KAT7: variants seen among roughly 807,000 people sequenced by gnomAD.
KAT7 encodes histone acetyltransferase KAT7.
KAT7 carries 10 observed loss-of-function variants against 82.1 expected under a neutral mutation model. The observed-to-expected ratio is 0.12, with a 90% CI of 0.08 to 0.21. The LOEUF is 0.21. Among genes scored for constraint, KAT7 ranks in the 10% least tolerant of loss-of-function variants. KAT7 has a pLI of 1.00. For synonymous variants in KAT7, 250 were observed against 262.5 expected (o/e 0.95, Z 0.46); for missense variants, 378 against 760.9 (o/e 0.50, Z 5.92).
At chr17:49,818,086 A>T in intron 9 of KAT7, 75 bp downstream of exon 9, 1 of 1,236,536 alleles carries the variant, frequency 8.1e-7, no homozygotes, top group Non-Finnish European at 1.2e-6. Context: ...TGCCATAGCG[A>T]TGGCATCTGT....
rs545360284 is a variant in KAT7, at chr17:49,831,408, C to A, written c.*3906C>A. On this transcript the variant is annotated 3_prime_UTR_variant, in exon 15 of 15. Transcript: ENST00000259021. Reference sequence around the variant, plus strand: ...GTTTCTGATTTAGGAATAAACTGTTCAGTAAGCACTGTCCCTTTACTTCCA... The same window carrying A: ...GTTTCTGATTTAGGAATAAACTGTTAAGTAAGCACTGTCCCTTTACTTCCA... The A allele has an allele frequency of 5.9e-5, 9 of 152,316 alleles. No homozygotes were observed. The highest frequency in any genetic ancestry group is 5.2e-4 in the Admixed American group (8 of 15,296). The allele number at this position is 152,316 out of a possible 1,614,324, so 9.4% of individuals were successfully genotyped here. A position where few individuals can be genotyped will look rare whatever the true frequency, so the allele number is the denominator to read the frequency against.
At chr17:49,799,695 A>C (rs945009717) in intron 4 of KAT7, among the ~76,000 whole-genome samples, 1 of 151,830 alleles carries the variant, frequency 6.6e-6, no homozygotes, top group Middle Eastern at 3.4e-3. Context: ...CAGGGGTCTC[A>C]CTTTATTGCC....
intron 8 of KAT7, among the ~76,000 whole-genome samples, chr17:49,816,943 C>G (rs1251193868): frequency 2.0e-5 from 3 of 152,064 alleles, no homozygotes; most frequent in Non-Finnish European, 4.4e-5. Context: ...TCCTGAGTAG[C>G]TGGGACTACA....
chr17:49,791,787 T>G, intron 1 of KAT7, 99 bp from the exon 2 acceptor site: 2 of 1,200,330 alleles, frequency 1.7e-6, no homozygotes, highest in Non-Finnish European at 1.2e-6. Flanking sequence ...AGGTTTGAAC[T>G]TGGGGTTTTC....
chr17:49,818,114 G>A, intron 9 of KAT7, 103 bp downstream of exon 9: 1 of 853,876 alleles, frequency 1.2e-6, no homozygotes, highest in South Asian at 1.6e-5. Flanking sequence ...CCTTCTCAGT[G>A]GTCCTCAGCA....
chr17:49,804,980 C>T (rs975504303), intron 4 of KAT7, among the ~76,000 whole-genome samples: 1 of 152,078 alleles, frequency 6.6e-6, no homozygotes, highest in Non-Finnish European at 1.5e-5. Flanking sequence ...AAGAAAAGTA[C>T]ACTTATTCTA....
Position 49,791,942 on chromosome 17 carries a change from C to T in KAT7, c.72C>T (p.Leu24=), listed in dbSNP as rs535476724. The T allele has an allele frequency of 3.7e-6, 6 of 1,614,108 alleles. No homozygotes were observed. Among genetic ancestry groups the T allele is most frequent in the Middle Eastern group, 1.6e-4 (1 of 6,062 alleles). Residue 24 remains leucine, a synonymous_variant, in exon 2 of 15, where the codon CTC becomes CTT. Coordinates refer to ENST00000259021, the MANE Select transcript of KAT7 (RefSeq NM_007067.5). The stretch of plus-strand genomic sequence containing the variant: ...AAGATTCCGATTTTTCTACAGATCT[C>T]GAGCACACAGACAGTTCAGAAAGTG... The part of the protein sequence containing the change: ...GTEDSDFSTD[L]EHTDSSESDG...
In KAT7 at chr17:49,826,081, G is replaced by C. The variant is rs1456102728; in HGVS notation, c.1562G>C (p.Ser521Thr). Residue 521 changes from serine to threonine, a missense_variant, in exon 13 of 15, where the codon AGT becomes ACT. Around this residue, in one of 6 missense-constraint regions of KAT7, gnomAD observed 20 missense variants for 142.4 expected, o/e 0.14. Transcript: ENST00000259021. ...GATCTGGGGCTTATAAGCTATCGCA[G>C]TTACTGGAAAGAAGTACTTCTCCGC... Reference protein sequence around the residue: ...LSDLGLISYRSYWKEVLLRYL... With the variant: ...LSDLGLISYRTYWKEVLLRYL... 6.2e-7 allele frequency: 1 copy of C among 1,613,824 alleles called. No homozygotes were observed. Among genetic ancestry groups the C allele is most frequent in the African/African-American group, 1.3e-5 (1 of 74,928 alleles).
rs1434098412 is a variant in KAT7 at position 49,834,602 on chromosome 17, C to T, written c.*7100C>T. 6.6e-6 allele frequency: 1 copy of T among 152,230 alleles called. No homozygotes were observed. Among genetic ancestry groups the T allele is most frequent in the Non-Finnish European group, 1.5e-5 (1 of 68,036 alleles). 9.4% of individuals were successfully genotyped at this position (152,230 alleles called of 1,614,324 possible). A position where few individuals can be genotyped will look rare whatever the true frequency, so the allele number is the denominator to read the frequency against. ...CTTTCATCATTCCCTTACACATAAC[C>T]TCAACGTGCAACAGGATTAGTCTAT... On this transcript the variant is annotated 3_prime_UTR_variant, in exon 15 of 15. Transcript: ENST00000259021.
intron 2 of KAT7, 76 bp downstream of exon 2, chr17:49,792,109 T>A: frequency 6.9e-7 from 1 of 1,442,616 alleles, no homozygotes; most frequent in Non-Finnish European, 9.5e-7. Flanking sequence ...TCCTAGTTAA[T>A]GTGGAAACTG....
chr17:49,808,319 C>T (rs1349811479), intron 5 of KAT7, among the ~76,000 whole-genome samples: 1 of 151,752 alleles, frequency 6.6e-6, no homozygotes, highest in Non-Finnish European at 1.5e-5. Context: ...GGGGTTTCAC[C>T]ATGTTGCCCA....
chr17:49,816,623 GA>G (rs1176129627), intron 8 of KAT7, among the ~76,000 whole-genome samples: 1 of 152,094 alleles, frequency 6.6e-6, no homozygotes, highest in East Asian at 1.9e-4. Flanking sequence ...TAGACTTGTT[GA>G]AAACTTGGCA....
intron 4 of KAT7, among the ~76,000 whole-genome samples, chr17:49,800,275 T>C (rs1171639328): frequency 1.3e-5 from 2 of 152,074 alleles, no homozygotes; most frequent in African/African-American, 2.4e-5. Context: ...CCTCCCAAAG[T>C]GCTGGGATTA....
intron 9 of KAT7, 71 bp from the exon 10 acceptor site, chr17:49,821,266 C>G (rs1177794524): frequency 8.8e-7 from 1 of 1,142,214 alleles, no homozygotes; most frequent in African/African-American, 1.6e-5. Flanking sequence ...ACCTGTCATT[C>G]CTTTTCCCTT....
chr17:49,790,671 T>C (rs539477349), intron 1 of KAT7, among the ~76,000 whole-genome samples: 1 of 152,296 alleles, frequency 6.6e-6, no homozygotes, highest in Non-Finnish European at 1.5e-5. Flanking sequence ...CTACTTATGG[T>C]TTTTGTGTGT....
intron 7 of KAT7, among the ~76,000 whole-genome samples, chr17:49,811,790 G>A (rs1280081309): frequency 6.6e-6 from 1 of 152,162 alleles, no homozygotes; most frequent in Non-Finnish European, 1.5e-5. Context: ...AATACAATTA[G>A]AATTTAAATT....
chr17:49,800,563 GCTT>G (rs2074012354), intron 4 of KAT7, among the ~76,000 whole-genome samples: 1 of 152,084 alleles, frequency 6.6e-6, no homozygotes, highest in Admixed American at 6.5e-5. Context: ...ATTTTCCTCT[GCTT>G]CTGCTTGTTA....
intron 7 of KAT7, among the ~76,000 whole-genome samples, chr17:49,812,234 CTTT>C (rs35069050): frequency 1.7e-5 from 2 of 119,118 alleles, no homozygotes. Context: ...GCTTAAAAAT[CTTT>C]TTTTTTTTTT....
Position 49,833,782 on chromosome 17 carries a change from C to T in KAT7, c.*6280C>T, listed in dbSNP as rs1297556207. 1.3e-5 allele frequency: 2 copies of T among 152,218 alleles called. No individual in the cohort carries two copies. Among genetic ancestry groups the T allele is most frequent in the Non-Finnish European group, 1.5e-5 (1 of 68,056 alleles). 9.4% of individuals were successfully genotyped at this position (152,218 alleles called of 1,614,324 possible). ...GACACTAAAGACATCTAGCTGAGTCCTGTTAACCCAGAGAATTATGAGAAT... is the reference window on the plus strand; with the variant it reads ...GACACTAAAGACATCTAGCTGAGTCTTGTTAACCCAGAGAATTATGAGAAT... On this transcript the variant is annotated 3_prime_UTR_variant, in exon 15 of 15. Transcript: ENST00000259021.
Sources: gnomAD v4.1 joint callset for allele counts (sites outside exome capture counted in the v4.1 genomes callset) on GRCh38, gnomAD v4.1.1 for gene constraint, gnomAD v4.1.1 regional missense constraint, MANE v1.5 for transcripts, NCBI Gene and HGNC (gene_info 2026-07-23, HGNC 2026-07-21) for gene names.